KCNK2: variants seen among roughly 807,000 people sequenced by gnomAD.
The protein encoded by KCNK2 is potassium two pore domain channel subfamily K member 2, also known as potassium channel subfamily K member 2.
In KCNK2, 21 loss-of-function variants were observed where a neutral mutation model predicts 40.5. That is an observed-to-expected ratio of 0.52 (90% CI 0.37 to 0.75). The LOEUF (loss-of-function observed/expected upper bound fraction) is 0.75. Among genes scored for constraint, KCNK2 ranks in the 30% least tolerant of loss-of-function variants. The pLI is 0.00. For missense variants in KCNK2, 399 were observed against 531.6 expected (o/e 0.75, Z 2.45); for synonymous variants, 191 against 202.2 (o/e 0.94, Z 0.47).
At chr1:215,054,124 T>C (rs1658079858) in intron 1 of KCNK2, among the ~76,000 whole-genome samples, 2 of 152,228 alleles carry the variant, frequency 1.3e-5, no homozygotes, top group African/African-American at 4.8e-5. Flanking sequence ...GCTGCAGCTA[T>C]ATTATTCGAG....
intron 1 of KCNK2, among the ~76,000 whole-genome samples, chr1:215,032,702 C>T (rs907163517): frequency 2.6e-5 from 4 of 152,068 alleles, no homozygotes; most frequent in Non-Finnish European, 5.9e-5. Context: ...ATATTTCACT[C>T]CACTTTCTTC....
chr1:215,051,799 T>G (rs2802653), intron 1 of KCNK2, among the ~76,000 whole-genome samples: 129,555 of 152,102 alleles, frequency 0.85, 55,444 homozygotes, highest in East Asian at 0.99. Flanking sequence ...AGTAGTAGTT[T>G]CCCAGCTCAG....
chr1:215,227,569 G>A (rs1287506371), intron 6 of KCNK2, among the ~76,000 whole-genome samples: 1 of 152,140 alleles, frequency 6.6e-6, no homozygotes, highest in Non-Finnish European at 1.5e-5. Flanking sequence ...GAACTTTATT[G>A]TAAGTGAAAC....
chr1:215,044,826 T>TGTGTGC (rs142895602), intron 1 of KCNK2, among the ~76,000 whole-genome samples: 1,749 of 140,600 alleles, frequency 0.012, 22 homozygotes, highest in African/African-American at 0.036. Flanking sequence ...TGTGTGTGTG[T>TGTGTGC]GCGCGCGCAC....
chr1:215,164,924 T>C (rs1663375126), intron 3 of KCNK2, among the ~76,000 whole-genome samples: 1 of 152,198 alleles, frequency 6.6e-6, no homozygotes, highest in Non-Finnish European at 1.5e-5. Flanking sequence ...TAGTAGATGC[T>C]TAATAAAAAA....
At chr1:215,045,109 A>G (rs551440600) in intron 1 of KCNK2, among the ~76,000 whole-genome samples, 342 of 151,944 alleles carry the variant, frequency 2.3e-3, no homozygotes, top group African/African-American at 7.7e-3. Context: ...GCGTGAACCC[A>G]GGAGGCTGAG....
intron 6 of KCNK2, among the ~76,000 whole-genome samples, chr1:215,209,468 A>AATATATATTATATATAATATAAT (rs1665513020): frequency 6.9e-5 from 1 of 14,400 alleles, no homozygotes; most frequent in African/African-American, 1.7e-4. Flanking sequence ...TATTATATAT[A>AATATATATTATATATAATATAAT]ATATATATTA....
chr1:215,128,156 T>C lies in KCNK2; in HGVS notation c.475+3406T>C, dbSNP rs931221300. ...AGGTGAGTGAGAAAGAGTTGAGGGA[T>C]GCTTCCTTTTCCTTAGTAGGCATTG... On this transcript the variant is annotated intron_variant, in intron 3 of 6. Coordinates refer to ENST00000444842, the MANE Select transcript of KCNK2 (RefSeq NM_001017425.3). Among the ~76,000 whole-genome samples the C allele has an allele frequency of 1.2e-4, 19 of 152,300 alleles. No individual in the cohort carries two copies. The East Asian group carries it at 2.9e-3, about 23-fold the overall frequency.
At chr1:215,032,237 G>A (rs971174368) in intron 1 of KCNK2, among the ~76,000 whole-genome samples, 1 of 151,588 alleles carries the variant, frequency 6.6e-6, no homozygotes, top group East Asian at 1.9e-4. Flanking sequence ...GGGAGACCCT[G>A]TGTCTACAAA....
intron 3 of KCNK2, among the ~76,000 whole-genome samples, chr1:215,151,187 C>T (rs547647485): frequency 2.1e-4 from 32 of 152,080 alleles, no homozygotes; most frequent in Non-Finnish European, 4.0e-4. Flanking sequence ...AAATATTGCA[C>T]ATCTACCTTT....
At chr1:215,138,474 G>T (rs1036659312) in intron 3 of KCNK2, among the ~76,000 whole-genome samples, 2 of 152,140 alleles carry the variant, frequency 1.3e-5, no homozygotes, top group African/African-American at 4.8e-5. Flanking sequence ...AATTGTGGGT[G>T]TATAGACCAG....
At chr1:215,085,445 C>T (rs145134376) in intron 1 of KCNK2, among the ~76,000 whole-genome samples, 14 of 152,238 alleles carry the variant, frequency 9.2e-5, no homozygotes, top group African/African-American at 3.1e-4. Context: ...TATTTTTGAA[C>T]AGCTGTGATA....
At chr1:215,015,530 A>T (rs1177394366) in intron 1 of KCNK2, among the ~76,000 whole-genome samples, 2 of 152,070 alleles carry the variant, frequency 1.3e-5, no homozygotes, top group East Asian at 1.9e-4. Flanking sequence ...CCTGAGATGG[A>T]TAATTAATTT....
At chr1:215,106,205 A>C (rs979116152) in intron 2 of KCNK2, among the ~76,000 whole-genome samples, 2 of 152,154 alleles carry the variant, frequency 1.3e-5, no homozygotes, top group Non-Finnish European at 2.9e-5. Context: ...CATTTCCACC[A>C]ACAATGTACT....
chr1:215,223,636 C>A (rs1378663836), intron 6 of KCNK2, among the ~76,000 whole-genome samples: 1 of 152,022 alleles, frequency 6.6e-6, no homozygotes, highest in Non-Finnish European at 1.5e-5. Context: ...GCTTTCTTAC[C>A]ATAGAACACC....
intron 1 of KCNK2, among the ~76,000 whole-genome samples, chr1:215,070,402 T>G (rs7529593): frequency 1.4e-5 from 2 of 139,580 alleles, no homozygotes; most frequent in Non-Finnish European, 3.0e-5. Flanking sequence ...GGCAACAGAG[T>G]GAGACCCCGT....
intron 2 of KCNK2, among the ~76,000 whole-genome samples, chr1:215,094,509 G>A (rs1015709799): frequency 3.3e-5 from 5 of 152,060 alleles, no homozygotes; most frequent in African/African-American, 1.2e-4. Context: ...AGAAAACCAT[G>A]TCAATTTCCA....
chr1:215,231,891 C>T (rs890504237), intron 6 of KCNK2, among the ~76,000 whole-genome samples: 2 of 152,096 alleles, frequency 1.3e-5, no homozygotes, highest in Non-Finnish European at 2.9e-5. Flanking sequence ...GGGGAACTCC[C>T]CTTTATAAAA....
intron 5 of KCNK2, among the ~76,000 whole-genome samples, chr1:215,187,236 C>T (rs1664476907): frequency 6.6e-6 from 1 of 152,124 alleles, no homozygotes; most frequent in Non-Finnish European, 1.5e-5. Flanking sequence ...GCCCAAATTG[C>T]TGGGATTTTA....
Sources: gnomAD v4.1 joint callset for allele counts (sites outside exome capture counted in the v4.1 genomes callset) on GRCh38, gnomAD v4.1.1 for gene constraint, MANE v1.5 for transcripts, NCBI Gene and HGNC (gene_info 2026-07-23, HGNC 2026-07-21) for gene names.